SOX5: variants seen among roughly 807,000 people sequenced by gnomAD.
SOX5 encodes the protein transcription factor SOX-5.
SOX5 carries 9 observed loss-of-function variants against 92.0 expected under a neutral mutation model. That is an observed-to-expected ratio of 0.10 (90% CI 0.06 to 0.17). SOX5 has a LOEUF of 0.17. SOX5 is among the 10% of genes least tolerant of loss of function. The pLI is 1.00. For missense variants in SOX5, 642 were observed against 944.5 expected, an observed-to-expected ratio of 0.68 and a Z score of 4.20; for synonymous variants, 344 against 336.3, an observed-to-expected ratio of 1.02 and a Z score of -0.25.
chr12:23,620,477 A>T lies in SOX5; in HGVS notation c.1018-15944T>A, dbSNP rs117379067. Among the ~76,000 whole-genome samples the T allele has an allele frequency of 7.1e-3, 1,078 of 152,218 alleles. 8 individuals carry two copies. Among genetic ancestry groups the T allele is most frequent in the Non-Finnish European group, 0.012 (843 of 67,976 alleles). On this transcript the variant is annotated intron_variant, in intron 8 of 14. Coordinates refer to ENST00000451604, the MANE Select transcript of SOX5 (RefSeq NM_006940.6). The stretch of plus-strand genomic sequence containing the variant: ...TAAATCTATATATATAATTTTCAAC[A>T]TTCTGAGCCTCATCTTTATTTAAAT...
chr12:23,690,143 T>C (rs919192979), intron 6 of SOX5, among the ~76,000 whole-genome samples: 1 of 152,112 alleles, frequency 6.6e-6, no homozygotes, highest in Non-Finnish European at 1.5e-5. Flanking sequence ...GGTCCCTGAG[T>C]CCTTATTCAT....
intron 6 of SOX5, among the ~76,000 whole-genome samples, chr12:23,683,758 T>C (rs932768928): frequency 2.0e-4 from 30 of 152,052 alleles, no homozygotes; most frequent in African/African-American, 7.0e-4. Context: ...TACTTGACAT[T>C]TTGTATGCAT....
chr12:24,116,112 C>T (rs536734021), intron 4 of SOX5, among the ~76,000 whole-genome samples: 10 of 152,178 alleles, frequency 6.6e-5, no homozygotes, highest in Admixed American at 1.3e-4. Context: ...GCTGATAAAA[C>T]GTTACAACTG....
chr12:23,958,951 C>T lies in SOX5; in HGVS notation c.-1-62927G>A, dbSNP rs191948264. Among the ~76,000 whole-genome samples, 350 of 151,544 alleles carry T rather than the reference C, an allele frequency of 2.3e-3. 1 individual carries two copies. Among genetic ancestry groups the T allele is most frequent in the Non-Finnish European group, 3.3e-3 (225 of 67,714 alleles). ...TCATTAGAGATAATGGGGAAAAGACCCCATTAGCATTGGTAACATAGACAA... is the reference window on the plus strand; with the variant it reads ...TCATTAGAGATAATGGGGAAAAGACTCCATTAGCATTGGTAACATAGACAA... On this transcript the variant is annotated intron_variant, in intron 4 of 4. Coordinates refer to the SOX5 transcript ENST00000446891.
rs182018726 is a variant in SOX5, at chr12:24,015,273, C to A, written c.-1-119249G>T. 2.9e-3 allele frequency among the ~76,000 whole-genome samples: 443 copies of A among 152,226 alleles called. 3 individuals are homozygous for A. Among genetic ancestry groups the A allele is most frequent in the Non-Finnish European group, 4.8e-3 (328 of 67,994 alleles). On this transcript the variant is annotated intron_variant, in intron 4 of 4. Transcript: ENST00000446891. ...CTCTTGTAGTGCGGTAATCGGTGGG[C>A]TCTTTTCACAAAAAAGCCAGCCTCA...
At chr12:24,117,863 T>A (rs1344300008) in intron 4 of SOX5, among the ~76,000 whole-genome samples, 1 of 151,232 alleles carries the variant, frequency 6.6e-6, no homozygotes, top group African/African-American at 2.4e-5. Flanking sequence ...CTACTAAAAA[T>A]ACAAAAATTA....
chr12:23,989,536 G>C (rs1248406057), intron 4 of SOX5, among the ~76,000 whole-genome samples: 1 of 152,154 alleles, frequency 6.6e-6, no homozygotes, highest in Non-Finnish European at 1.5e-5. Flanking sequence ...GTTATAAACT[G>C]AATGTCTGTA....
intron 4 of SOX5, among the ~76,000 whole-genome samples, chr12:24,021,214 G>C (rs1458786215): frequency 6.6e-6 from 1 of 152,144 alleles, no homozygotes. Flanking sequence ...AGAAGGCAAG[G>C]TTCTCTCCTA....
At chr12:24,252,475 A>C (rs2728838) in intron 3 of SOX5, among the ~76,000 whole-genome samples, 145,684 of 151,690 alleles carry the variant, frequency 0.96, 70,235 homozygotes, top group East Asian at 1. Context: ...TAAAATGGAA[A>C]AATTTCTCCA....
chr12:23,570,967 A>G (rs1280082782), intron 10 of SOX5, among the ~76,000 whole-genome samples: 2 of 75,284 alleles, frequency 2.7e-5, no homozygotes, highest in African/African-American at 9.9e-5. Flanking sequence ...ATATATATAT[A>G]TATATATATA....
chr12:23,886,034 A>C (rs926830215), intron 2 of SOX5, among the ~76,000 whole-genome samples: 1 of 152,164 alleles, frequency 6.6e-6, no homozygotes, highest in Admixed American at 6.6e-5. Context: ...CTTTTAATTT[A>C]CCTAATGTAC....
At chr12:24,067,705 C>T (rs1940990017) in intron 4 of SOX5, among the ~76,000 whole-genome samples, 1 of 152,092 alleles carries the variant, frequency 6.6e-6, no homozygotes, top group Non-Finnish European at 1.5e-5. Context: ...TACAGCTTGC[C>T]TTTTCTTTGA....
At position 23,775,310 on chromosome 12, in the gene SOX5, T is replaced by G. The variant is rs189682199; in HGVS notation, c.482-19586A>C. Among the ~76,000 whole-genome samples, 106 of 152,334 alleles carry G rather than the reference T, an allele frequency of 7.0e-4. No homozygotes were observed. The South Asian group carries it at 0.014, about 21-fold the overall frequency. ...AAAAATCCTTAATAGGTAGGTAACA[T>G]TAACATCATCTCCTCAGAGGAAACT... On this transcript the variant is annotated intron_variant, in intron 3 of 14. Coordinates refer to ENST00000451604, the MANE Select transcript of SOX5 (RefSeq NM_006940.6).
At chr12:23,999,463 C>G (rs1389341663) in intron 4 of SOX5, among the ~76,000 whole-genome samples, 9 of 151,892 alleles carry the variant, frequency 5.9e-5, no homozygotes, top group Non-Finnish European at 1.3e-4. Context: ...AGTATTCTTA[C>G]CACAAGAAGG....
intron 1 of SOX5, among the ~76,000 whole-genome samples, chr12:24,394,029 T>A (rs1052318058): frequency 2.0e-5 from 3 of 152,028 alleles, no homozygotes; most frequent in Non-Finnish European, 4.4e-5. Flanking sequence ...CACTATTAAT[T>A]AATTAGGGGA....
chr12:23,658,880 G>A (rs756917287), intron 7 of SOX5, among the ~76,000 whole-genome samples: 5 of 152,120 alleles, frequency 3.3e-5, no homozygotes, highest in Non-Finnish European at 7.3e-5. Context: ...GCAACAGAGC[G>A]AGACTCCGTC....
chr12:23,677,528 T>G (rs2085900764), intron 6 of SOX5, among the ~76,000 whole-genome samples: 1 of 152,156 alleles, frequency 6.6e-6, no homozygotes, highest in Non-Finnish European at 1.5e-5. Context: ...ATATGAAGCT[T>G]TAGCTGCAGA....
intron 2 of SOX5, among the ~76,000 whole-genome samples, chr12:23,883,364 T>C (rs184404200): frequency 1.4e-3 from 216 of 152,238 alleles, no homozygotes; most frequent in African/African-American, 5.0e-3. Context: ...GTAATATTCA[T>C]TTAGGTTATT....
chr12:24,073,356 G>C (rs1942055236), intron 4 of SOX5, among the ~76,000 whole-genome samples: 1 of 152,106 alleles, frequency 6.6e-6, no homozygotes, highest in Non-Finnish European at 1.5e-5. Context: ...ACCGACACAT[G>C]CTTCTAAAAA....
Sources: gnomAD v4.1 joint callset for allele counts (sites outside exome capture counted in the v4.1 genomes callset) on GRCh38, gnomAD v4.1.1 for gene constraint, MANE v1.5 for transcripts, NCBI Gene and HGNC (gene_info 2026-07-23, HGNC 2026-07-21) for gene names.